The following RNF121 variants were observed in gnomAD, a reference collection of about 807,000 sequenced individuals.
RNF121 encodes the protein ring finger protein 121.
RNF121 carries 21 observed loss-of-function variants against 46.5 expected under a neutral mutation model. The ratio of observed to expected loss-of-function variants is 0.45; its 90% CI spans 0.32 to 0.65. RNF121 has a LOEUF of 0.65. Ranked by LOEUF, RNF121 falls within the 30% of genes least tolerant of loss-of-function variation. The pLI is 0.04. For synonymous variants in RNF121, 139 were observed against 144.7 expected, an observed-to-expected ratio of 0.96 and a Z score of 0.28; for missense variants, 346 against 416.0, an observed-to-expected ratio of 0.83 and a Z score of 1.46.
At chr11:71,984,318 C>G (rs1015429188) in intron 4 of RNF121, among the ~76,000 whole-genome samples, 1 of 152,164 alleles carries the variant, frequency 6.6e-6, no homozygotes, top group Non-Finnish European at 1.5e-5. Flanking sequence ...GCTCTGTCGC[C>G]CAGGCTGGAG....
At chr11:71,935,503 G>A (rs756782139) in intron 1 of RNF121, among the ~76,000 whole-genome samples, 2 of 152,124 alleles carry the variant, frequency 1.3e-5, no homozygotes, top group East Asian at 1.9e-4. Context: ...CTTCCTTTCC[G>A]GAGGTGATTT....
intron 3 of RNF121, among the ~76,000 whole-genome samples, chr11:71,968,009 A>C (rs1384595743): frequency 6.6e-6 from 1 of 151,746 alleles, no homozygotes; most frequent in Non-Finnish European, 1.5e-5. Context: ...CCAGTTTGTC[A>C]TTTGATTTTA....
chr11:71,960,545 T>C (rs1954105696), intron 2 of RNF121, among the ~76,000 whole-genome samples: 1 of 152,034 alleles, frequency 6.6e-6, no homozygotes, highest in Admixed American at 6.6e-5. Flanking sequence ...GCTTGGTTGC[T>C]GGGGGGTCCG....
intron 3 of RNF121, among the ~76,000 whole-genome samples, chr11:71,961,477 T>G (rs1468761813): frequency 2.0e-5 from 3 of 151,918 alleles, no homozygotes; most frequent in Non-Finnish European, 4.4e-5. Flanking sequence ...GTGGGAAGAT[T>G]CCTTGAGCCT....
At chr11:71,967,977 A>T (rs1313032606) in intron 3 of RNF121, among the ~76,000 whole-genome samples, 1 of 152,110 alleles carries the variant, frequency 6.6e-6, no homozygotes, top group Non-Finnish European at 1.5e-5. Context: ...CTTCTGACAT[A>T]ATTTGCTACG....
At chr11:71,936,622 C>T (rs1383866840) in intron 1 of RNF121, among the ~76,000 whole-genome samples, 1 of 152,144 alleles carries the variant, frequency 6.6e-6, no homozygotes, top group East Asian at 1.9e-4. Flanking sequence ...TCTCGATCTC[C>T]TGACCTTGTG....
intron 2 of RNF121, 116 bp from the exon 3 acceptor site, chr11:71,960,634 C>T (rs1276712614): frequency 1.6e-6 from 2 of 1,227,622 alleles, no homozygotes; most frequent in Non-Finnish European, 2.3e-6. Context: ...TACCCTGCAG[C>T]TATGAAGCAG....
intron 2 of RNF121, among the ~76,000 whole-genome samples, chr11:71,957,959 A>G (rs1295288338): frequency 5.9e-5 from 9 of 152,242 alleles, no homozygotes; most frequent in Admixed American, 5.9e-4. Context: ...AAAACTATTG[A>G]CTATAAAAAC....
intron 3 of RNF121, among the ~76,000 whole-genome samples, chr11:71,961,229 A>G (rs569075294): frequency 1.3e-5 from 2 of 152,348 alleles, no homozygotes; most frequent in East Asian, 3.9e-4. Context: ...TAAGCATCTC[A>G]TGAATCTTAC....
chr11:71,954,110 A>G (rs778943177), intron 1 of RNF121, among the ~76,000 whole-genome samples: 1 of 152,172 alleles, frequency 6.6e-6, no homozygotes, highest in Admixed American at 6.6e-5. Flanking sequence ...CTAATTAGCT[A>G]CCTGAGCTTT....
chr11:71,994,566 A>G (rs1954934009), intron 6 of RNF121, among the ~76,000 whole-genome samples, 153 bp from the exon 7 acceptor site: 1 of 151,768 alleles, frequency 6.6e-6, no homozygotes, highest in Non-Finnish European at 1.5e-5. Context: ...TACCTTTTCT[A>G]AACAGTTTAA....
chr11:71,956,568 T>C (rs1323412768), intron 1 of RNF121, among the ~76,000 whole-genome samples: 1 of 152,208 alleles, frequency 6.6e-6, no homozygotes. Flanking sequence ...CGCTAGTTAA[T>C]AGCAGCAGGG....
intron 1 of RNF121, 27 bp downstream of exon 1, chr11:71,929,151 G>A: frequency 3.9e-6 from 6 of 1,547,686 alleles, no homozygotes; most frequent in Non-Finnish European, 5.2e-6. Context: ...GACGAGGAGA[G>A]ACTCAACCTG....
At position 71,996,420 on chromosome 11, in the gene RNF121, G is replaced by A. The variant is rs185304890; in HGVS notation, c.*105G>A. On this transcript the variant is annotated 3_prime_UTR_variant, in exon 9 of 9. Coordinates refer to ENST00000361756, the MANE Select transcript of RNF121 (RefSeq NM_018320.5). ...CTGGGTGGGAAAGACTCAAAGGGGT[G>A]CTTGGGCCACTCAGGACCCCTCTGG... 19 of 1,377,780 alleles carry A rather than the reference G, an allele frequency of 1.4e-5. No individual in the cohort carries two copies. The highest frequency in any genetic ancestry group is 9.8e-5 in the East Asian group (4 of 40,718). The allele number at this position is 1,377,780 out of a possible 1,614,324, so 85.3% of individuals were successfully genotyped here. A position where few individuals can be genotyped will look rare whatever the true frequency, so the allele number is the denominator to read the frequency against.
At chr11:71,969,110 C>T (rs1302849332) in intron 3 of RNF121, among the ~76,000 whole-genome samples, 1 of 151,994 alleles carries the variant, frequency 6.6e-6, no homozygotes, top group African/African-American at 2.4e-5. Flanking sequence ...TGGTCTCGAA[C>T]TCCTGACCTC....
intron 1 of RNF121, among the ~76,000 whole-genome samples, chr11:71,929,524 G>A (rs1590759329): frequency 6.6e-6 from 1 of 152,168 alleles, no homozygotes; most frequent in African/African-American, 2.4e-5. Flanking sequence ...AGCCTAGGGT[G>A]GGGGTTGGGG....
At chr11:71,967,536 A>G (rs756847166) in intron 3 of RNF121, among the ~76,000 whole-genome samples, 1 of 151,888 alleles carries the variant, frequency 6.6e-6, no homozygotes, top group Non-Finnish European at 1.5e-5. Context: ...TTTTAGTACA[A>G]ATGTATTTTA....
At chr11:71,996,147 C>A in intron 8 of RNF121, 48 bp from the exon 9 acceptor site, 1 of 1,609,894 alleles carries the variant, frequency 6.2e-7, no homozygotes. Flanking sequence ...TGCTAGATCA[C>A]TCCTGGCAGC....
chr11:71,941,258 CAGT>C (rs1170364117), intron 1 of RNF121, among the ~76,000 whole-genome samples: 1 of 152,214 alleles, frequency 6.6e-6, no homozygotes, highest in African/African-American at 2.4e-5. Flanking sequence ...TGAGCAAAGA[CAGT>C]AGGGTAGAGA....
Sources: gnomAD v4.1 joint callset for allele counts (sites outside exome capture counted in the v4.1 genomes callset) on GRCh38, gnomAD v4.1.1 for gene constraint, MANE v1.5 for transcripts, NCBI Gene and HGNC (gene_info 2026-07-23, HGNC 2026-07-21) for gene names.